Variants in PARP4 observed in about 807,000 individuals in gnomAD.
The protein encoded by PARP4 is protein mono-ADP-ribosyltransferase PARP4.
Under a neutral mutation model 187.7 loss-of-function variants are expected in PARP4, and 120 were observed. That is an observed-to-expected ratio of 0.64 (90% CI 0.55 to 0.74). The LOEUF (loss-of-function observed/expected upper bound fraction) is 0.74, where lower values mean the gene tolerates loss of function less well. Among genes scored for constraint, PARP4 ranks in the 30% least tolerant of loss-of-function variants. The pLI is 0.00. For missense variants in PARP4, 1,836 were observed against 2,070.5 expected (o/e 0.89, Z 2.20); for synonymous variants, 654 against 740.9 (o/e 0.88, Z 1.90).
In PARP4 at chr13:24,503,727, T is replaced by C. The variant is rs751833892; in HGVS notation, c.50A>G (p.Tyr17Cys). The C allele has an allele frequency of 1.2e-6, 2 of 1,614,012 alleles. No homozygotes were observed. Among genetic ancestry groups the C allele is most frequent in the South Asian group, 2.2e-5 (2 of 91,080 alleles). The change falls in exon 2 of 34, where the codon TAC becomes TGC. Residue 17 changes from tyrosine to cysteine, a missense_variant. Tyr to Cys is a radical substitution (Grantham distance 194). This residue lies in a region of PARP4 where 1,147 missense variants were observed against 1,214.2 expected (regional missense o/e 0.94). Transcript: ENST00000381989. Reference protein sequence around the residue: ...ANCIFCLKVKYLPQQQKKKLQ... With the variant: ...ANCIFCLKVKCLPQQQKKKLQ... ...CTTTTTCTTCTGCTGCTGAGGTAAG[T>C]ACTTCACTTTCAAACAGAAGATACA...
intron 24 of PARP4, among the ~76,000 whole-genome samples, chr13:24,451,386 A>T (rs1484971199): frequency 6.6e-6 from 1 of 152,208 alleles, no homozygotes; most frequent in Non-Finnish European, 1.5e-5. Flanking sequence ...CAGAGCCAGG[A>T]GCTGTGACAG....
chr13:24,498,128 A>G lies in PARP4; in HGVS notation c.579T>C (p.Asp193=), dbSNP rs1566019839. Residue 193 remains aspartate, a synonymous_variant, in exon 6 of 34, where the codon GAT becomes GAC. Coordinates refer to ENST00000381989, the MANE Select transcript of PARP4 (RefSeq NM_006437.4). The part of the protein sequence containing the change: ...PFLISSHFLL[D]DGMETRRQFA... ...TAAACAGCATTACCTCCATGCCATC[A>G]TCCAGGAGGAAGTGTGAGGATATCA... The G allele has an allele frequency of 6.2e-7, 1 of 1,607,210 alleles. No individual in the cohort carries two copies. Among genetic ancestry groups the G allele is most frequent in the Non-Finnish European group, 8.5e-7 (1 of 1,173,704 alleles).
chr13:24,425,605 C>CTATCTATCTATATA (rs1555231643), intron 33 of PARP4, among the ~76,000 whole-genome samples: 1 of 146,916 alleles, frequency 6.8e-6, no homozygotes, highest in African/African-American at 2.6e-5. Context: ...ATATCTATAT[C>CTATCTATCTATATA]TATATATCTC....
Position 24,435,337 on chromosome 13 carries a change from T to A in PARP4, c.3804A>T (p.Val1268=), listed in dbSNP as rs1565989147. 8.7e-6 allele frequency: 14 copies of A among 1,612,590 alleles called. No individual in the cohort carries two copies. The highest frequency in any genetic ancestry group is 1.2e-5 in the Non-Finnish European group (14 of 1,179,900). Residue 1268 remains valine, a synonymous_variant, in exon 31 of 34, where the codon GTA becomes GTT. Coordinates refer to ENST00000381989, the MANE Select transcript of PARP4 (RefSeq NM_006437.4). The part of the protein sequence containing the change: ...SEDFEEDGLG[V]LPAFTSNLER... ...CCAAATTTGATGTGAAAGCTGGTAG[T>A]ACACCTAAGCCATCCTCTTCAAAAT...
At chr13:24,507,047 C>T (rs181180374) in intron 1 of PARP4, among the ~76,000 whole-genome samples, 1,614 of 152,332 alleles carry the variant, frequency 0.011, 26 homozygotes, top group African/African-American at 0.036. Context: ...GCTGCTGGCC[C>T]GGACGCTAAG....
intron 33 of PARP4, among the ~76,000 whole-genome samples, chr13:24,425,480 C>A (rs1869982094): frequency 6.6e-6 from 1 of 151,782 alleles, no homozygotes; most frequent in South Asian, 2.1e-4. Flanking sequence ...CTTATCTTGC[C>A]TTTAAAAGAA....
chr13:24,427,948 T>A (rs1016887769), intron 32 of PARP4, among the ~76,000 whole-genome samples: 3 of 152,056 alleles, frequency 2.0e-5, no homozygotes, highest in African/African-American at 7.2e-5. Flanking sequence ...TAATAAATAA[T>A]AAACTGATGA....
In PARP4 at chr13:24,494,677, C is replaced by T; in HGVS notation, c.637G>A (p.Glu213Lys). The T allele has an allele frequency of 1.2e-6, 2 of 1,609,286 alleles. No homozygotes were observed. The highest frequency in any genetic ancestry group is 2.7e-5 in the African/African-American group (2 of 74,946). ...TCTTCAATGTAATTTTCAAAGTATT[C>T]ACTTGCATCTTCAGAGGTTTTCTTT... ...AIKKTSEDAS[E>K]YFENYIEELK... is the part of the protein sequence containing the mutation. The change falls in exon 7 of 34, where the codon GAA (glutamate) becomes AAA (lysine). Residue 213 changes from glutamate (E) to lysine (K), a missense_variant. Physicochemically the swap from Glu to Lys is moderately conservative, Grantham distance 56. Coordinates refer to ENST00000381989, the MANE Select transcript of PARP4 (RefSeq NM_006437.4).
chr13:24,506,548 G>A (rs985524490), intron 1 of PARP4, among the ~76,000 whole-genome samples: 17 of 152,268 alleles, frequency 1.1e-4, no homozygotes, highest in African/African-American at 4.1e-4. Context: ...CCCTGAGCTA[G>A]ACACAAGTTC....
chr13:24,423,606 ATCTT>A (rs1205897438), intron 33 of PARP4, among the ~76,000 whole-genome samples: 8 of 152,216 alleles, frequency 5.3e-5, no homozygotes, highest in African/African-American at 1.9e-4. Flanking sequence ...ATAAATTCTC[ATCTT>A]TCTTGGCAAA....
chr13:24,466,416 G>C (rs947149758), intron 17 of PARP4, among the ~76,000 whole-genome samples: 1 of 152,050 alleles, frequency 6.6e-6, no homozygotes, highest in Non-Finnish European at 1.5e-5. Context: ...CCTGGGCTCA[G>C]GTGATCCATC....
Position 24,489,894 on chromosome 13 carries a change from A to G in PARP4, c.1214+774T>C, listed in dbSNP as rs139922179. 2.0e-5 allele frequency among the ~76,000 whole-genome samples: 3 copies of G among 152,280 alleles called. No individual in the cohort carries two copies. The East Asian group carries it at 5.8e-4, about 29-fold the overall frequency. On this transcript the variant is annotated intron_variant, in intron 10 of 33. Coordinates refer to ENST00000381989, the MANE Select transcript of PARP4 (RefSeq NM_006437.4). ...CCCCGTGTCCAATTTCAAGCTACCC[A>G]TGGTTTAACAACCAGCTCACCAAAT...
chr13:24,453,587 CATG>C lies in PARP4; in HGVS notation c.2823_2825del (p.Ile941del), dbSNP rs1565997965. On this transcript the variant is annotated inframe_deletion and splice_region_variant, in exon 23 of 34. Coordinates refer to ENST00000381989, the MANE Select transcript of PARP4 (RefSeq NM_006437.4). ...GATACAGGAAGCCTCTTGCACTCAC[CATG>C]ATGAACTCTGCTGCCATGGTATTGC... The C allele has an allele frequency of 6.3e-7, 1 of 1,583,680 alleles. No individual in the cohort carries two copies. The highest frequency in any genetic ancestry group is 1.1e-5 in the South Asian group (1 of 90,380).
chr13:24,454,825 C>A lies in PARP4; in HGVS notation c.2758+192G>T, dbSNP rs189310980. Among the ~76,000 whole-genome samples, 203 of 152,290 alleles carry A rather than the reference C, an allele frequency of 1.3e-3. 4 individuals carry two copies. Among genetic ancestry groups the A allele is most frequent in the Admixed American group, 0.013 (203 of 15,292 alleles). On this transcript the variant is annotated intron_variant, in intron 22 of 33. Coordinates refer to ENST00000381989, the MANE Select transcript of PARP4 (RefSeq NM_006437.4). ...TTCAAGTAGTGCGCCCAAGGTGACACACAGAACCTGTGAGTGGTACAGCTG... is the reference window on the plus strand; with the variant it reads ...TTCAAGTAGTGCGCCCAAGGTGACAAACAGAACCTGTGAGTGGTACAGCTG...
At chr13:24,503,992 T>C (rs1396820880) in intron 1 of PARP4, among the ~76,000 whole-genome samples, 1 of 152,214 alleles carries the variant, frequency 6.6e-6, no homozygotes, top group African/African-American at 2.4e-5. Context: ...TGGTTGATAT[T>C]ACACCACCAA....
In PARP4 at chr13:24,507,022, G is replaced by A. The variant is rs921060105; in HGVS notation, c.-1-3245C>T. Among the ~76,000 whole-genome samples the A allele has an allele frequency of 5.9e-5, 9 of 152,342 alleles. No individual in the cohort carries two copies. In the East Asian group the frequency reaches 7.7e-4, roughly 13 times the overall value. On this transcript the variant is annotated intron_variant, in intron 1 of 33. Coordinates refer to ENST00000381989, the MANE Select transcript of PARP4 (RefSeq NM_006437.4). ...GTGGGCCGGCACTGCTGGGGTACCC[G>A]GCACACCCTCCGCTGCTGCTGGCCC...
At position 24,503,821 on chromosome 13, in the gene PARP4, T is replaced by C. The variant is rs1212114483; in HGVS notation, c.-1-44A>G. 13 of 1,547,424 alleles carry C rather than the reference T, an allele frequency of 8.4e-6. No homozygotes were observed. In the African/African-American group the frequency reaches 1.4e-4, roughly 16 times the overall value. ...TTAAGGACCCTCTCTTAAGTCAATATGACAGTGAATTTAGAATTATTATAC... is the reference window on the plus strand; with the variant it reads ...TTAAGGACCCTCTCTTAAGTCAATACGACAGTGAATTTAGAATTATTATAC... On this transcript the variant is annotated intron_variant, in intron 1 of 33. Coordinates refer to ENST00000381989, the MANE Select transcript of PARP4 (RefSeq NM_006437.4).
chr13:24,446,691 G>T lies in PARP4; in HGVS notation c.3356C>A (p.Thr1119Lys). 1 of 1,578,472 alleles carries T rather than the reference G, an allele frequency of 6.3e-7. No homozygotes were observed. The highest frequency in any genetic ancestry group is 8.7e-7 in the Non-Finnish European group (1 of 1,147,360). Residue 1119 changes from threonine to lysine, a missense_variant, in exon 27 of 34, where the codon ACA (threonine) becomes AAA (lysine). Physicochemically the swap from Thr to Lys is moderately conservative, Grantham distance 78. This residue lies in a region of PARP4 where 56 missense variants were observed against 56.6 expected (regional missense o/e 0.99). Coordinates refer to ENST00000381989, the MANE Select transcript of PARP4 (RefSeq NM_006437.4). ...TMVSTTELQKTTGTMIHKLAA... is the reference protein window; with the variant it reads ...TMVSTTELQKKTGTMIHKLAA... ...GGTTTTGAATCTTACAGTTCCAGTTGTCTTCTGAAGCTCAGTAGTCGACAC... is the reference window on the plus strand; with the variant it reads ...GGTTTTGAATCTTACAGTTCCAGTTTTCTTCTGAAGCTCAGTAGTCGACAC...
chr13:24,439,693 A>G (rs1002431082), intron 30 of PARP4, among the ~76,000 whole-genome samples: 17 of 152,306 alleles, frequency 1.1e-4, no homozygotes, highest in Middle Eastern at 3.4e-3. Context: ...TGAAGCACAT[A>G]TAAGATAAGT....
Sources: allele counts gnomAD v4.1 joint callset (sites outside exome capture counted in the v4.1 genomes callset), GRCh38; gene constraint gnomAD v4.1.1; regional missense constraint gnomAD v4.1.1; transcripts MANE v1.5; gene names NCBI Gene and HGNC (gene_info 2026-07-23, HGNC 2026-07-21).